Variants in FOCAD observed in about 807,000 individuals in gnomAD.
The protein encoded by FOCAD is focadhesin.
FOCAD carries 198 observed loss-of-function variants against 225.6 expected under a neutral mutation model. The ratio of observed to expected loss-of-function variants is 0.88; its 90% confidence interval spans 0.78 to 0.99. The LOEUF (loss-of-function observed/expected upper bound fraction) is 0.99. Ranked by LOEUF, FOCAD falls within the 50% of genes least tolerant of loss-of-function variation. The pLI, the probability that FOCAD is intolerant of heterozygous loss-of-function variation, is 0.00. For synonymous variants in FOCAD, 897 were observed against 755.0 expected, an observed-to-expected ratio of 1.19 and a Z score of -3.08; for missense variants, 2,713 against 2,123.6, an observed-to-expected ratio of 1.28 and a Z score of -5.46.
At chr9:20,894,140 T>A (rs1831870501) in intron 21 of FOCAD, among the ~76,000 whole-genome samples, 1 of 152,102 alleles carries the variant, frequency 6.6e-6, no homozygotes, top group Admixed American at 6.6e-5. Flanking sequence ...TATATAGATT[T>A]TTCAGACTGG....
At chr9:20,799,237 T>A (rs1176540492) in intron 11 of FOCAD, among the ~76,000 whole-genome samples, 1 of 152,232 alleles carries the variant, frequency 6.6e-6, no homozygotes, top group African/African-American at 2.4e-5. Context: ...TGTGTTCTTT[T>A]ACATTTGCTG....
At chr9:20,783,890 G>A (rs1819649965) in intron 10 of FOCAD, among the ~76,000 whole-genome samples, 1 of 152,050 alleles carries the variant, frequency 6.6e-6, no homozygotes. Context: ...CTGGCAATTT[G>A]AACAAGGAAA....
At chr9:20,792,052 A>G (rs1016374464) in intron 11 of FOCAD, among the ~76,000 whole-genome samples, 1 of 152,188 alleles carries the variant, frequency 6.6e-6, no homozygotes, top group Admixed American at 6.5e-5. Flanking sequence ...GCCACCTGGT[A>G]TGTAGAAGCC....
intron 30 of FOCAD, among the ~76,000 whole-genome samples, chr9:20,947,928 G>C (rs1564191187): frequency 6.6e-6 from 1 of 151,824 alleles, no homozygotes; most frequent in Non-Finnish European, 1.5e-5. Context: ...TTTTTGTTTA[G>C]GAGTTGATTG....
intron 1 of FOCAD, chr9:20,684,764 A>T (rs1822558805): frequency 6.6e-6 from 1 of 152,396 alleles, no homozygotes; most frequent in Non-Finnish European, 1.5e-5. Context: ...TCTCCTTCTC[A>T]TTCCCGGTGA....
intron 28 of FOCAD, among the ~76,000 whole-genome samples, chr9:20,943,683 A>G (rs564592999): frequency 1.3e-5 from 2 of 152,344 alleles, no homozygotes; most frequent in African/African-American, 4.8e-5. Context: ...GTGGGCATTG[A>G]GATACATTAT....
intron 2 of FOCAD, among the ~76,000 whole-genome samples, chr9:20,673,133 A>G (rs1822125623): frequency 6.6e-6 from 1 of 152,216 alleles, no homozygotes; most frequent in African/African-American, 2.4e-5. Flanking sequence ...TTTGGCCAGT[A>G]TAGACAGAAA....
At chr9:20,765,129 T>C in intron 7 of FOCAD, 56 bp downstream of exon 7, 1 of 1,470,206 alleles carries the variant, frequency 6.8e-7, no homozygotes, top group African/African-American at 1.4e-5. Flanking sequence ...GTGTTGTTAT[T>C]GTCATAGACA....
At chr9:20,782,171 A>G (rs1819450850) in intron 10 of FOCAD, among the ~76,000 whole-genome samples, 1 of 152,196 alleles carries the variant, frequency 6.6e-6, no homozygotes, top group Non-Finnish European at 1.5e-5. Context: ...AGTGCACAAT[A>G]CTAGTTAAAG....
chr9:20,968,340 GT>G (rs1223931496), intron 35 of FOCAD, among the ~76,000 whole-genome samples: 3 of 122,532 alleles, frequency 2.4e-5, no homozygotes, highest in East Asian at 2.5e-4. Flanking sequence ...TGCTCTTTAT[GT>G]TTTTTTTCTT....
chr9:20,827,690 A>T (rs924125740), intron 15 of FOCAD, among the ~76,000 whole-genome samples: 2 of 152,038 alleles, frequency 1.3e-5, no homozygotes, highest in African/African-American at 4.8e-5. Flanking sequence ...AAAAATAAAG[A>T]AAGAGCTCCG....
At chr9:20,693,547 A>T (rs1026429550) in intron 1 of FOCAD, among the ~76,000 whole-genome samples, 14 of 152,184 alleles carry the variant, frequency 9.2e-5, no homozygotes, top group Non-Finnish European at 1.5e-5. Context: ...ATAGTGTCTG[A>T]TACAAGGTAG....
chr9:20,735,901 C>A (rs1466799844), intron 4 of FOCAD, among the ~76,000 whole-genome samples: 1 of 151,520 alleles, frequency 6.6e-6, no homozygotes, highest in Non-Finnish European at 1.5e-5. Flanking sequence ...ATCACTCTTT[C>A]AAAGTATGTA....
At chr9:20,680,553 C>CA (rs990975736), upstream of FOCAD, among the ~76,000 whole-genome samples, 4 of 150,872 alleles carry the variant, frequency 2.7e-5, no homozygotes, top group Admixed American at 6.6e-5. Context: ...GACTCTGTCT[C>CA]AAAAAAAAAT....
intron 35 of FOCAD, among the ~76,000 whole-genome samples, chr9:20,959,368 C>T (rs1211280627): frequency 1.3e-5 from 2 of 152,058 alleles, no homozygotes; most frequent in Middle Eastern, 3.4e-3. Context: ...TTAATTTCCC[C>T]ATCTTAAAAT....
intron 35 of FOCAD, among the ~76,000 whole-genome samples, chr9:20,960,189 G>GA (rs1838573797): frequency 6.6e-6 from 1 of 152,202 alleles, no homozygotes; most frequent in Non-Finnish European, 1.5e-5. Context: ...TTTAAGATTA[G>GA]AAGCCAGTTA....
intron 33 of FOCAD, among the ~76,000 whole-genome samples, chr9:20,950,717 GACCAGTCTCACTCAGTGAA>G (rs1837608018): frequency 1.3e-5 from 2 of 151,980 alleles, no homozygotes; most frequent in African/African-American, 4.8e-5. Flanking sequence ...ATTTATTTGA[GACCAGTCTCACTCAGTGAA>G]ACCTGAGAAA....
chr9:20,990,484 C>A, intron 42 of FOCAD, 110 bp downstream of exon 42: 3 of 1,310,980 alleles, frequency 2.3e-6, no homozygotes, highest in Non-Finnish European at 3.1e-6. Flanking sequence ...ACACCACAGA[C>A]TTTCCTACCC....
At chr9:20,806,815 C>G (rs892716666) in intron 11 of FOCAD, among the ~76,000 whole-genome samples, 3 of 152,154 alleles carry the variant, frequency 2.0e-5, no homozygotes, top group Admixed American at 1.3e-4. Flanking sequence ...TTAGCCTATA[C>G]TTGTTAATAT....
Sources: gnomAD v4.1 joint callset for allele counts (sites outside exome capture counted in the v4.1 genomes callset) on GRCh38, gnomAD v4.1.1 for gene constraint, MANE v1.5 for transcripts, NCBI Gene and HGNC (gene_info 2026-07-23, HGNC 2026-07-21) for gene names.